The following EDA2R variants were observed in gnomAD, a reference collection of about 807,000 sequenced individuals.
EDA2R encodes tumor necrosis factor receptor superfamily member 27.
Under a neutral mutation model 20.1 loss-of-function variants are expected in EDA2R, and 26 were observed. The ratio of observed to expected loss-of-function variants is 1.30; its 90% CI spans 0.95 to 1.80. The LOEUF (loss-of-function observed/expected upper bound fraction) is 1.80. Among genes scored for constraint, EDA2R ranks in the 40% most tolerant of loss-of-function variants. The pLI is 0.00. For missense variants in EDA2R, 277 were observed against 228.7 expected (o/e 1.21, Z -1.36); for synonymous variants, 114 against 88.7 (o/e 1.29, Z -1.60).
chrX:66,618,874 A>C (rs1425862087), intron 1 of EDA2R, among the ~76,000 whole-genome samples: 1 of 112,424 alleles, frequency 8.9e-6, no homozygotes, highest in African/African-American at 3.2e-5. Flanking sequence ...TCCTCAAACA[A>C]ATAGTTTTAC....
chrX:66,624,672 C>G (rs1230016250), intron 1 of EDA2R, among the ~76,000 whole-genome samples: 1 of 111,600 alleles, frequency 9.0e-6, no homozygotes, highest in Non-Finnish European at 1.9e-5. Context: ...AATTCCAACT[C>G]AGATGGACAG....
chrX:66,629,752 A>T (rs1332219812), intron 1 of EDA2R, among the ~76,000 whole-genome samples: 1 of 111,760 alleles, frequency 8.9e-6, no homozygotes, highest in Non-Finnish European at 1.9e-5. Context: ...TATTGTGAAA[A>T]TGACCATACT....
chrX:66,599,875 A>G lies in EDA2R; in HGVS notation c.518-15T>C. 8.3e-7 allele frequency: 1 copy of G among 1,197,884 alleles called. No individual in the cohort carries two copies. Among genetic ancestry groups the G allele is most frequent in the Non-Finnish European group, 1.1e-6 (1 of 888,866 alleles). On this transcript the variant is annotated splice_polypyrimidine_tract_variant and intron_variant, in intron 5 of 6. Coordinates refer to ENST00000374719, the MANE Select transcript of EDA2R (RefSeq NM_021783.5). The stretch of plus-strand genomic sequence containing the variant: ...CAGCAAACCTCCTGCAACTCGAAGC[A>G]GAAAGCCACTGGGTTACCCAAAAGC...
intron 1 of EDA2R, among the ~76,000 whole-genome samples, chrX:66,632,514 AAG>A (rs1444660101): frequency 9.2e-6 from 1 of 108,738 alleles, no homozygotes; most frequent in Non-Finnish European, 1.9e-5. Context: ...AGGAAGAAGA[AAG>A]AGGAAGAAGA....
At position 66,611,390 on chromosome X, in the gene EDA2R, T is replaced by C. The variant is rs185544265; in HGVS notation, c.87+4544A>G. 2.7e-5 allele frequency among the ~76,000 whole-genome samples: 3 copies of C among 111,967 alleles called. No homozygotes were observed. The East Asian group carries it at 8.4e-4, about 31-fold the overall frequency. Reference sequence around the variant, plus strand: ...CAGCAACTCTTAGATAAAGCAGATGTTGGAATGATTGAACAAGGATTCTAA... The same window carrying C: ...CAGCAACTCTTAGATAAAGCAGATGCTGGAATGATTGAACAAGGATTCTAA... On this transcript the variant is annotated intron_variant, in intron 2 of 6. Transcript: ENST00000374719.
chrX:66,599,624 TG>T lies in EDA2R; in HGVS notation c.753del (p.Ile252SerfsTer79). The T allele has an allele frequency of 8.3e-7, 1 of 1,205,494 alleles. No individual in the cohort carries two copies. Among genetic ancestry groups the T allele is most frequent in the South Asian group, 1.8e-5 (1 of 55,667 alleles). The stretch of plus-strand genomic sequence containing the variant: ...TGCAGGTCCAGCTCTGTGCATTCGA[TG>T]GGGCTGTGGACCCAGTGGGAGTGGC... The part of the protein sequence containing the change: ...SESHSHWVHS[P>X]IECTELDLQK... On this transcript the variant is annotated frameshift_variant, in exon 6 of 7. Coordinates refer to ENST00000374719, the MANE Select transcript of EDA2R (RefSeq NM_021783.5). LOFTEE classifies it high-confidence loss of function.
At chrX:66,632,009 CA>C (rs1156509171) in intron 1 of EDA2R, among the ~76,000 whole-genome samples, 1 of 111,296 alleles carries the variant, frequency 9.0e-6, no homozygotes, top group Non-Finnish European at 1.9e-5. Context: ...CTTATGGCTG[CA>C]CATCAGAATC....
intron 2 of EDA2R, among the ~76,000 whole-genome samples, chrX:66,615,529 A>G (rs1412331096): frequency 9.0e-6 from 1 of 111,453 alleles, no homozygotes; most frequent in Non-Finnish European, 1.9e-5. Context: ...TCTCCATTGC[A>G]CAGCTTCCTC....
intron 2 of EDA2R, among the ~76,000 whole-genome samples, chrX:66,611,860 A>G (rs1202984576): frequency 1.8e-5 from 2 of 111,606 alleles, no homozygotes; most frequent in Admixed American, 1.9e-4. Context: ...AAAAAAATCC[A>G]AAGTAATGCA....
chrX:66,620,321 A>T (rs1932391486), intron 1 of EDA2R, among the ~76,000 whole-genome samples: 1 of 111,659 alleles, frequency 9.0e-6, no homozygotes, highest in African/African-American at 3.3e-5. Context: ...GATTTTTTAA[A>T]GAATGCCAAG....
intron 1 of EDA2R, among the ~76,000 whole-genome samples, chrX:66,638,044 G>A (rs1934517445): frequency 8.9e-6 from 1 of 111,822 alleles, no homozygotes; most frequent in Non-Finnish European, 1.9e-5. Flanking sequence ...TCCTTACTTG[G>A]CAGCCTCTAA....
intron 1 of EDA2R, among the ~76,000 whole-genome samples, chrX:66,623,756 C>A (rs1336684865): frequency 9.0e-6 from 1 of 111,671 alleles, no homozygotes; most frequent in Non-Finnish European, 1.9e-5. Flanking sequence ...CAGGAATGTT[C>A]TTCCCCAGAT....
Position 66,597,918 on chromosome X carries a change from C to T in EDA2R, c.*186G>A, listed in dbSNP as rs1006034522. On this transcript the variant is annotated 3_prime_UTR_variant, in exon 7 of 7. Transcript: ENST00000374719. ...TACAAAAGGGAAGCAAGAAATGCTC[C>T]AGATCAGTCCTTGTGAAATGGAGAA... 5 of 568,993 alleles carry T rather than the reference C, an allele frequency of 8.8e-6. No homozygotes were observed. The African/African-American group carries it at 9.6e-5, about 11-fold the overall frequency. 46.9% of individuals were successfully genotyped at this position (568,993 alleles called of 1,213,427 possible). A position where few individuals can be genotyped will look rare whatever the true frequency, so the allele number is the denominator to read the frequency against.
intron 2 of EDA2R, among the ~76,000 whole-genome samples, chrX:66,607,539 G>A (rs746693607): frequency 4.5e-4 from 50 of 110,841 alleles, no homozygotes; most frequent in East Asian, 2.8e-3. Context: ...GCTAGAGCCC[G>A]GGAAGTGGAG....
chrX:66,613,635 C>T (rs1424006083), intron 2 of EDA2R, among the ~76,000 whole-genome samples: 1 of 111,547 alleles, frequency 9.0e-6, no homozygotes, highest in Non-Finnish European at 1.9e-5. Context: ...AGGGCCACAA[C>T]AGGAATTCTA....
intron 2 of EDA2R, among the ~76,000 whole-genome samples, chrX:66,608,770 A>G (rs1439655708): frequency 8.9e-6 from 1 of 111,768 alleles, no homozygotes; most frequent in Non-Finnish European, 1.9e-5. Flanking sequence ...TGCATGAAAA[A>G]ATATGATTCC....
At position 66,601,059 on chromosome X, in the gene EDA2R, T is replaced by C. The variant is rs1043446973; in HGVS notation, c.518-1199A>G. 2.7e-5 allele frequency among the ~76,000 whole-genome samples: 3 copies of C among 111,785 alleles called. No individual in the cohort carries two copies. The Admixed American group carries it at 2.8e-4, about 11-fold the overall frequency. On this transcript the variant is annotated intron_variant, in intron 5 of 6. Coordinates refer to ENST00000374719, the MANE Select transcript of EDA2R (RefSeq NM_021783.5). ...CCCAGTATGTGTGTAAGTCAGTGAC[T>C]CCTGAAAAACAGTTTTCCAAAGTAA...
chrX:66,621,074 C>G (rs1415687591), intron 1 of EDA2R, among the ~76,000 whole-genome samples: 2 of 109,048 alleles, frequency 1.8e-5, no homozygotes, highest in Non-Finnish European at 3.8e-5. Flanking sequence ...GTCAAGAGTT[C>G]AAGACTAGCC....
chrX:66,624,201 G>A (rs1426717736), intron 1 of EDA2R, among the ~76,000 whole-genome samples: 2 of 112,093 alleles, frequency 1.8e-5, no homozygotes, highest in Non-Finnish European at 3.8e-5. Flanking sequence ...ATCCCTAGGA[G>A]GAAGCTAGGG....
Sources: allele counts gnomAD v4.1 joint callset (sites outside exome capture counted in the v4.1 genomes callset), GRCh38; gene constraint gnomAD v4.1.1; transcripts MANE v1.5; gene names NCBI Gene and HGNC (gene_info 2026-07-23, HGNC 2026-07-21).